The following HAT1 variants were observed in gnomAD, a reference collection of about 807,000 sequenced individuals.
HAT1 encodes histone acetyltransferase 1, also known as histone acetyltransferase type B catalytic subunit.
HAT1 carries 20 observed loss-of-function variants against 56.6 expected under a neutral mutation model. The observed-to-expected ratio is 0.35, with a 90% CI of 0.25 to 0.51. HAT1 has a LOEUF of 0.51. Ranked by LOEUF, HAT1 falls within the 20% of genes least tolerant of loss-of-function variation. The probability of loss-of-function intolerance (pLI) is 0.95; values close to 1 mark genes in which losing one functional copy is unlikely to be tolerated. For missense variants in HAT1, 408 were observed against 504.3 expected, an observed-to-expected ratio of 0.81 and a Z score of 1.83; for synonymous variants, 146 against 165.5, an observed-to-expected ratio of 0.88 and a Z score of 0.91.
rs751341862 is a variant in HAT1 at position 171,965,771 on chromosome 2, C to A, written c.490-16C>A. ...TGTGATGAGTTTCACCTGACTTTTC[C>A]TGGCTTTTTCCCTAGGCTGACATGA... On this transcript the variant is annotated splice_polypyrimidine_tract_variant and intron_variant, in intron 5 of 10. Coordinates refer to ENST00000264108, the MANE Select transcript of HAT1 (RefSeq NM_003642.4). The A allele has an allele frequency of 6.2e-6, 10 of 1,610,152 alleles. No homozygotes were observed. The highest frequency in any genetic ancestry group is 8.5e-6 in the Non-Finnish European group (10 of 1,178,564).
At position 171,965,462 on chromosome 2, in the gene HAT1, C is replaced by T; in HGVS notation, c.434C>T (p.Thr145Ile). 1 of 1,609,356 alleles carries T rather than the reference C, an allele frequency of 6.2e-7. No homozygotes were observed. The highest frequency in any genetic ancestry group is 8.5e-7 in the Non-Finnish European group (1 of 1,176,124). The change falls in exon 5 of 11, where the codon ACC becomes ATC. Residue 145 changes from threonine (T) to isoleucine (I), a missense_variant. Physicochemically the swap from Thr to Ile is moderately conservative, Grantham distance 89. Coordinates refer to ENST00000264108, the MANE Select transcript of HAT1 (RefSeq NM_003642.4). ...DFKPFGTLLH[T>I]YSVLSPTGGE... ...AAGCCATTCGGAACCTTACTTCATA[C>T]CTACTCAGTTCTCAGTCCAACAGGA...
intron 10 of HAT1, chr2:171,980,220 C>A (rs1420770126): frequency 1.3e-5 from 2 of 152,162 alleles, no homozygotes. Context: ...TCTTCCCTAA[C>A]AAATTATGTT....
At chr2:171,941,672 T>C (rs1475380645) in intron 2 of HAT1, among the ~76,000 whole-genome samples, 2 of 152,152 alleles carry the variant, frequency 1.3e-5, no homozygotes. Flanking sequence ...ACCACTGATC[T>C]GACAGAAGGC....
intron 8 of HAT1, 151 bp downstream of exon 8, chr2:171,967,100 G>A (rs1296980703): frequency 1.7e-6 from 1 of 575,796 alleles, no homozygotes; most frequent in African/African-American, 1.9e-5. Flanking sequence ...TTATGTTTTA[G>A]AGCATAAGCC....
intron 8 of HAT1, among the ~76,000 whole-genome samples, chr2:171,972,100 G>A (rs964547476): frequency 2.0e-5 from 3 of 152,122 alleles, no homozygotes; most frequent in Admixed American, 6.5e-5. Context: ...ACTTTCTAAG[G>A]CACTCCTCCC....
At chr2:171,945,675 A>G (rs1379061903) in intron 2 of HAT1, among the ~76,000 whole-genome samples, 1 of 149,430 alleles carries the variant, frequency 6.7e-6, no homozygotes, top group Admixed American at 6.7e-5. Flanking sequence ...TTATTTATTT[A>G]TTTATTTTTT....
intron 2 of HAT1, among the ~76,000 whole-genome samples, chr2:171,931,783 G>C (rs1686754415): frequency 6.6e-6 from 1 of 152,230 alleles, no homozygotes; most frequent in Admixed American, 6.5e-5. Flanking sequence ...ATCAGTGGAT[G>C]TGGAACCTGC....
rs185207620 is a variant in HAT1, at chr2:171,928,182, G to C, written c.112+2541G>C. On this transcript the variant is annotated intron_variant, in intron 2 of 10. Transcript: ENST00000264108. ...TTACAGGCATGAGCCACCACCCCCA[G>C]CCACAGGAAATGATATTTTAAAGCC... Among the ~76,000 whole-genome samples, 332 of 152,330 alleles carry C rather than the reference G, an allele frequency of 2.2e-3. 3 individuals are homozygous for C. The highest frequency in any genetic ancestry group is 2.7e-3 in the Admixed American group (41 of 15,304).
At chr2:171,940,650 T>C (rs916810572) in intron 2 of HAT1, among the ~76,000 whole-genome samples, 2 of 152,220 alleles carry the variant, frequency 1.3e-5, no homozygotes, top group African/African-American at 4.8e-5. Context: ...TTTTTTCTTT[T>C]GAAAACTCCA....
intron 3 of HAT1, among the ~76,000 whole-genome samples, chr2:171,948,909 G>T (rs1687235756): frequency 6.6e-6 from 1 of 152,158 alleles, no homozygotes; most frequent in African/African-American, 2.4e-5. Flanking sequence ...GGGTCACTTG[G>T]TTTAGAGGTG....
chr2:171,965,913 G>A lies in HAT1; in HGVS notation c.611+5G>A. On this transcript the variant is annotated splice_donor_5th_base_variant and intron_variant, in intron 6 of 10. Transcript: ENST00000264108. Reference sequence around the variant, plus strand: ...AAGATGGCACTACTTTCTAGTGTAAGTACAGTTCTAAAGCAACAGTAGACC... The same window carrying A: ...AAGATGGCACTACTTTCTAGTGTAAATACAGTTCTAAAGCAACAGTAGACC... 6.2e-7 allele frequency: 1 copy of A among 1,612,216 alleles called. No individual in the cohort carries two copies. Among genetic ancestry groups the A allele is most frequent in the Non-Finnish European group, 8.5e-7 (1 of 1,178,700 alleles).
chr2:171,949,705 T>C (rs1455570824), intron 3 of HAT1, among the ~76,000 whole-genome samples: 1 of 151,590 alleles, frequency 6.6e-6, no homozygotes, highest in Middle Eastern at 3.4e-3. Context: ...TTTTAAGAGA[T>C]GGGGGTCTTC....
intron 2 of HAT1, among the ~76,000 whole-genome samples, chr2:171,929,387 T>C (rs1038060226): frequency 6.6e-6 from 1 of 152,222 alleles, no homozygotes; most frequent in African/African-American, 2.4e-5. Context: ...AGATTACATG[T>C]TTTGTGCACA....
chr2:171,932,471 C>A (rs1366398873), intron 2 of HAT1, among the ~76,000 whole-genome samples: 3 of 152,100 alleles, frequency 2.0e-5, no homozygotes, highest in Admixed American at 2.0e-4. Context: ...TCTTCTGTTT[C>A]TTCTTGTGTC....
intron 2 of HAT1, among the ~76,000 whole-genome samples, chr2:171,931,468 C>T (rs573070530): frequency 1.7e-4 from 26 of 152,042 alleles, no homozygotes; most frequent in Non-Finnish European, 2.8e-4. Flanking sequence ...GGCAAGAGTT[C>T]GAGAAGACAA....
At chr2:171,935,344 G>T (rs1345888242) in intron 2 of HAT1, among the ~76,000 whole-genome samples, 2 of 148,326 alleles carry the variant, frequency 1.3e-5, no homozygotes, top group Non-Finnish European at 3.0e-5. Flanking sequence ...GTGAAACCCC[G>T]TCTCTACTAA....
intron 2 of HAT1, among the ~76,000 whole-genome samples, chr2:171,943,944 T>C (rs1291310474): frequency 6.6e-6 from 1 of 151,942 alleles, no homozygotes; most frequent in African/African-American, 2.4e-5. Flanking sequence ...GCCCAGAAAT[T>C]GGATACGAGC....
chr2:171,975,017 T>C (rs1032713039), intron 8 of HAT1, among the ~76,000 whole-genome samples: 10 of 152,126 alleles, frequency 6.6e-5, no homozygotes, highest in Admixed American at 6.6e-4. Context: ...GGGATATTGA[T>C]TTGTAGTTTT....
rs1686567745 is a variant in HAT1 at position 171,925,547 on chromosome 2, T to C, written c.18T>C (p.Ala6=). The change falls in exon 2 of 11, where the codon GCT becomes GCC. Residue 6 remains alanine (A), a synonymous_variant. Coordinates refer to ENST00000264108, the MANE Select transcript of HAT1 (RefSeq NM_003642.4). MAGFG[A]MEKFLVEYKS... is the part of the protein sequence containing the mutation. The stretch of plus-strand genomic sequence containing the variant: ...AACCTTTTCTCTTAGGATTTGGTGC[T>C]ATGGAGAAATTTTTGGTAGAATATA... 2.0e-6 allele frequency: 3 copies of C among 1,492,754 alleles called. No homozygotes were observed. The highest frequency in any genetic ancestry group is 1.4e-5 in the African/African-American group (1 of 72,540). The allele number at this position is 1,492,754 out of a possible 1,614,324, so 92.5% of individuals were successfully genotyped here. A position where few individuals can be genotyped will look rare whatever the true frequency, so the allele number is the denominator to read the frequency against.
Sources: allele counts gnomAD v4.1 joint callset (sites outside exome capture counted in the v4.1 genomes callset), GRCh38; gene constraint gnomAD v4.1.1; transcripts MANE v1.5; gene names NCBI Gene and HGNC (gene_info 2026-07-23, HGNC 2026-07-21).